Variants in ADAMTS17 observed in about 807,000 individuals in gnomAD.
ADAMTS17 encodes ADAM metallopeptidase with thrombospondin type 1 motif 17, also known as A disintegrin and metalloproteinase with thrombospondin motifs 17.
ADAMTS17 carries 113 observed loss-of-function variants against 141.5 expected under a neutral mutation model. The ratio of observed to expected loss-of-function variants is 0.80; its 90% confidence interval spans 0.69 to 0.93. The LOEUF is 0.93. ADAMTS17 is among the 40% of genes least tolerant of loss of function. ADAMTS17 has a pLI of 0.00. For missense variants in ADAMTS17, 1,659 were observed against 1,517.9 expected, an observed-to-expected ratio of 1.09 and a Z score of -1.54; for synonymous variants, 768 against 630.6, an observed-to-expected ratio of 1.22 and a Z score of -3.27.
intron 14 of ADAMTS17, among the ~76,000 whole-genome samples, chr15:100,100,188 G>GC (rs11455490): frequency 0.027 from 4,182 of 152,300 alleles, 205 homozygotes; most frequent in African/African-American, 0.096. Context: ...CAGAGTGTGT[G>GC]CTAAAGATGC....
Position 100,255,016 on chromosome 15 carries a change from A to G in ADAMTS17, c.1032-837T>C, listed in dbSNP as rs969511960. On this transcript the variant is annotated intron_variant, in intron 6 of 21. Coordinates refer to ENST00000268070, the MANE Select transcript of ADAMTS17 (RefSeq NM_139057.4). ...GCCCCAGAACTTAAAAGGTGAAGGA[A>G]AAAAAAAAACTGTCTTCCTTAAAGC... Among the ~76,000 whole-genome samples, 49 of 12,898 alleles carry G rather than the reference A, an allele frequency of 3.8e-3. 1 individual carries two copies. The highest frequency in any genetic ancestry group is 0.014 in the Middle Eastern group (1 of 70). The allele number at this position is 12,898 out of a possible 152,430, so 8.5% of individuals were successfully genotyped here.
rs761568437 is a variant in ADAMTS17 at position 100,116,859 on chromosome 15, C to G, written c.1876G>C (p.Val626Leu). Reference protein sequence around the residue: ...SPKKKGLLTAVVVDDKPCELY... With the variant: ...SPKKKGLLTALVVDDKPCELY... ...CATATGCCTTTACCGTCAACCACCA[C>G]GGCTGTCAGCAGGCCTTTCTTCTTG... The change falls in exon 13 of 22, where the codon GTG (valine) becomes CTG (leucine). Residue 626 changes from valine (V) to leucine (L), a missense_variant. Coordinates refer to ENST00000268070, the MANE Select transcript of ADAMTS17 (RefSeq NM_139057.4). The G allele has an allele frequency of 5.6e-6, 9 of 1,614,028 alleles. No individual in the cohort carries two copies. Among genetic ancestry groups the G allele is most frequent in the African/African-American group, 5.3e-5 (4 of 74,930 alleles).
At chr15:100,309,504 C>G (rs1297189012) in intron 3 of ADAMTS17, among the ~76,000 whole-genome samples, 5 of 152,216 alleles carry the variant, frequency 3.3e-5, no homozygotes, top group Non-Finnish European at 7.3e-5. Flanking sequence ...AAGCTCTGGC[C>G]TGCCTCAGTC....
rs561691373 is a variant in ADAMTS17 at position 100,231,646 on chromosome 15, T to A, written c.1075+22490A>T. Among the ~76,000 whole-genome samples, 7 of 152,326 alleles carry A rather than the reference T, an allele frequency of 4.6e-5. No homozygotes were observed. In the East Asian group the frequency reaches 5.8e-4, roughly 13 times the overall value. On this transcript the variant is annotated intron_variant, in intron 7 of 21. Coordinates refer to ENST00000268070, the MANE Select transcript of ADAMTS17 (RefSeq NM_139057.4). Reference sequence around the variant, plus strand: ...CAAGCTGATGTCACACAATGTGTAATTTCCTGGTGTGTCCAAGGGTTCTCA... The same window carrying A: ...CAAGCTGATGTCACACAATGTGTAAATTCCTGGTGTGTCCAAGGGTTCTCA...
At chr15:100,050,357 A>T (rs2032044308) in intron 17 of ADAMTS17, among the ~76,000 whole-genome samples, 1 of 152,164 alleles carries the variant, frequency 6.6e-6, no homozygotes, top group Admixed American at 6.5e-5. Flanking sequence ...TCAGAGGTAG[A>T]TGTGTCAGCT....
chr15:100,011,849 C>T (rs2061190583), intron 18 of ADAMTS17, among the ~76,000 whole-genome samples: 1 of 152,234 alleles, frequency 6.6e-6, no homozygotes, highest in Non-Finnish European at 1.5e-5. Context: ...AATTGTGCTG[C>T]TACAAACATG....
At position 100,338,454 on chromosome 15, in the gene ADAMTS17, C is replaced by G. The variant is rs529909558; in HGVS notation, c.450+2585G>C. On this transcript the variant is annotated intron_variant, in intron 2 of 21. Transcript: ENST00000268070. ...GGACTTACCAGCAATTAACATGATA[C>G]TCAACATCCGGAACGAAGTTTTGTT... Among the ~76,000 whole-genome samples the G allele has an allele frequency of 8.5e-5, 13 of 152,326 alleles. No homozygotes were observed. In the South Asian group the frequency reaches 2.5e-3, roughly 29 times the overall value.
At chr15:100,223,724 G>T (rs1201107643) in intron 7 of ADAMTS17, among the ~76,000 whole-genome samples, 1 of 150,192 alleles carries the variant, frequency 6.7e-6, no homozygotes, top group Non-Finnish European at 1.5e-5. Flanking sequence ...TACATATAGT[G>T]TATATATACA....
intron 3 of ADAMTS17, among the ~76,000 whole-genome samples, chr15:100,327,824 G>A (rs752457205): frequency 2.6e-5 from 4 of 152,112 alleles, no homozygotes; most frequent in Non-Finnish European, 5.9e-5. Flanking sequence ...CTGTCCCCTC[G>A]CCTGAAGCCC....
At chr15:100,154,941 T>A (rs1249330776) in intron 9 of ADAMTS17, among the ~76,000 whole-genome samples, 1 of 152,226 alleles carries the variant, frequency 6.6e-6, no homozygotes, top group Admixed American at 6.5e-5. Context: ...ATGTTGACAT[T>A]TGAGTCGATC....
In ADAMTS17 at chr15:100,057,586, C is replaced by T. The variant is rs565422509; in HGVS notation, c.2138-3532G>A. 9.9e-5 allele frequency among the ~76,000 whole-genome samples: 15 copies of T among 152,282 alleles called. No homozygotes were observed. In the South Asian group the frequency reaches 1.7e-3, roughly 17 times the overall value. On this transcript the variant is annotated intron_variant, in intron 15 of 21. Transcript: ENST00000268070. ...GTGAACACCCACTGTGCCCATGACA[C>T]GGCATCTGTTTCTCCCTTTAAGCAA...
chr15:100,013,696 G>A (rs1395185066), intron 18 of ADAMTS17, among the ~76,000 whole-genome samples: 1 of 152,188 alleles, frequency 6.6e-6, no homozygotes, highest in Non-Finnish European at 1.5e-5. Context: ...TTATTGACTT[G>A]TGTATATTAA....
In ADAMTS17 at chr15:99,999,860, C is replaced by T. The variant is rs144809908; in HGVS notation, c.2592-2271G>A. 5.6e-3 allele frequency among the ~76,000 whole-genome samples: 854 copies of T among 152,282 alleles called. 6 individuals carry two copies. Among genetic ancestry groups the T allele is most frequent in the Non-Finnish European group, 8.6e-3 (586 of 68,010 alleles). ...GACAGAGCCACCTGGGCTCCTCCCT[C>T]CACCCCAGGTTGTCCCTCCTTGTCC... On this transcript the variant is annotated intron_variant, in intron 18 of 21. Coordinates refer to ENST00000268070, the MANE Select transcript of ADAMTS17 (RefSeq NM_139057.4).
At chr15:100,161,408 T>A (rs546643244) in intron 8 of ADAMTS17, among the ~76,000 whole-genome samples, 1 of 151,804 alleles carries the variant, frequency 6.6e-6, no homozygotes, top group Non-Finnish European at 1.5e-5. Flanking sequence ...CTTGGCTGAG[T>A]CTGTGGAATG....
At chr15:100,268,972 GCC>G (rs1567460438) in intron 4 of ADAMTS17, among the ~76,000 whole-genome samples, 1 of 66,964 alleles carries the variant, frequency 1.5e-5, no homozygotes, top group Non-Finnish European at 3.0e-5. Flanking sequence ...CAGAAATAAT[GCC>G]ACATCATACC....
intron 7 of ADAMTS17, among the ~76,000 whole-genome samples, chr15:100,205,158 C>G (rs1318510637): frequency 6.6e-6 from 1 of 152,142 alleles, no homozygotes; most frequent in Non-Finnish European, 1.5e-5. Context: ...GGATCCTGGA[C>G]TTCAGGAGGA....
chr15:100,054,112 T>C (rs2032366203), intron 15 of ADAMTS17, 58 bp from the exon 16 acceptor site: 2 of 1,601,616 alleles, frequency 1.2e-6, no homozygotes, highest in South Asian at 1.1e-5. Context: ...GGATCCAGCC[T>C]GTCTTTAAAC....
chr15:100,102,446 G>A (rs1224402209), intron 14 of ADAMTS17, among the ~76,000 whole-genome samples: 1 of 63,444 alleles, frequency 1.6e-5, no homozygotes, highest in East Asian at 4.1e-4. Context: ...TTTGAGGGCC[G>A]ACCAAAGGGG....
At chr15:99,983,329 A>T (rs776434513) in intron 20 of ADAMTS17, among the ~76,000 whole-genome samples, 3 of 152,084 alleles carry the variant, frequency 2.0e-5, no homozygotes, top group Non-Finnish European at 2.9e-5. Context: ...CCTTTCAGAG[A>T]GGCAGAATGT....
Sources: allele counts gnomAD v4.1 joint callset (sites outside exome capture counted in the v4.1 genomes callset), GRCh38; gene constraint gnomAD v4.1.1; transcripts MANE v1.5; gene names NCBI Gene and HGNC (gene_info 2026-07-23, HGNC 2026-07-21).